The following AFTPH variants were observed in gnomAD, a reference collection of about 807,000 sequenced individuals.
The protein encoded by AFTPH is aftiphilin protein.
In AFTPH, 7 loss-of-function variants were observed where a neutral mutation model predicts 72.5. That is an observed-to-expected ratio of 0.10 (90% CI 0.05 to 0.18). The LOEUF (loss-of-function observed/expected upper bound fraction) is 0.18. AFTPH is among the 10% of genes least tolerant of loss of function. The pLI, the probability that AFTPH is intolerant of heterozygous loss-of-function variation, is 1.00. For missense variants in AFTPH, 979 were observed against 1,060.5 expected (o/e 0.92, Z 1.07); for synonymous variants, 337 against 370.1 (o/e 0.91, Z 1.03).
chr2:64,530,494 A>G (rs1669565184), intron 1 of AFTPH, among the ~76,000 whole-genome samples: 1 of 152,208 alleles, frequency 6.6e-6, no homozygotes, highest in African/African-American at 2.4e-5. Flanking sequence ...TAGAAAGAAA[A>G]TGGGTGTGCC....
intron 1 of AFTPH, among the ~76,000 whole-genome samples, chr2:64,529,315 G>GTT (rs33964756): frequency 0.35 from 50,535 of 145,848 alleles, 8,743 homozygotes; most frequent in South Asian, 0.41. Flanking sequence ...CCTTTTTGAA[G>GTT]TTTTTTTTTT....
chr2:64,534,402 T>C (rs1669779369), intron 1 of AFTPH, among the ~76,000 whole-genome samples: 1 of 152,210 alleles, frequency 6.6e-6, no homozygotes, highest in African/African-American at 2.4e-5. Context: ...GTTTCAGATA[T>C]CAAAAATTCA....
intron 1 of AFTPH, among the ~76,000 whole-genome samples, chr2:64,533,015 T>C (rs1669710205): frequency 6.6e-6 from 1 of 152,190 alleles, no homozygotes; most frequent in Non-Finnish European, 1.5e-5. Flanking sequence ...TGGAAACATT[T>C]ACCTTTTTCC....
intron 2 of AFTPH, among the ~76,000 whole-genome samples, chr2:64,560,000 C>T (rs557738819): frequency 4.1e-4 from 63 of 152,200 alleles, no homozygotes; most frequent in African/African-American, 1.3e-3. Flanking sequence ...CACCATGCTC[C>T]GCCCCAGAAT....
chr2:64,575,083 A>ATAAAC (rs1553403907), intron 6 of AFTPH, among the ~76,000 whole-genome samples: 2 of 151,990 alleles, frequency 1.3e-5, no homozygotes, highest in Admixed American at 6.6e-5. Context: ...TTACAACCCC[A>ATAAAC]TAAACTATTG....
intron 6 of AFTPH, among the ~76,000 whole-genome samples, chr2:64,575,171 A>G (rs931452540): frequency 6.6e-6 from 1 of 152,160 alleles, no homozygotes; most frequent in African/African-American, 2.4e-5. Flanking sequence ...CATTTTAGTC[A>G]TAGCTTATCA....
chr2:64,552,475 C>T, exon 2 of AFTPH: 1 of 1,613,992 alleles, frequency 6.2e-7, no homozygotes, highest in South Asian at 1.1e-5. Context: ...CAGTCAAAGG[C>T]TTGGAGTTTG....
intron 1 of AFTPH, among the ~76,000 whole-genome samples, chr2:64,531,760 T>G (rs1669643481): frequency 6.6e-6 from 1 of 152,228 alleles, no homozygotes; most frequent in Non-Finnish European, 1.5e-5. Flanking sequence ...GTTAAAATAA[T>G]ATTGTGGATA....
intron 1 of AFTPH, among the ~76,000 whole-genome samples, chr2:64,531,081 A>AAC (rs57045371): frequency 2.1e-5 from 3 of 141,178 alleles, no homozygotes; most frequent in Non-Finnish European, 4.4e-5. Flanking sequence ...AAAAAAAAAA[A>AAC]CACCACAAAA....
At chr2:64,585,350 G>C (rs1162959975) in intron 7 of AFTPH, 72 bp from the exon 9 acceptor site, 1 of 1,569,970 alleles carries the variant, frequency 6.4e-7, no homozygotes, top group East Asian at 2.2e-5. Context: ...ATTGCCTTTT[G>C]CATCTTGGAT....
intron 8 of AFTPH, among the ~76,000 whole-genome samples, chr2:64,589,475 G>T (rs959638572): frequency 6.6e-6 from 1 of 152,156 alleles, no homozygotes; most frequent in Non-Finnish European, 1.5e-5. Context: ...AAATGATCAT[G>T]ATATAACTTT....
At chr2:64,552,795 G>C (rs745537156) in exon 2 of AFTPH, 18 of 1,614,052 alleles carry the variant, frequency 1.1e-5, no homozygotes, top group Non-Finnish European at 1.4e-5. Context: ...CTTTGGCTCT[G>C]CCAGTGGCTC....
intron 6 of AFTPH, among the ~76,000 whole-genome samples, chr2:64,578,443 A>G (rs1573032617): frequency 6.6e-6 from 1 of 152,220 alleles, no homozygotes; most frequent in Admixed American, 6.5e-5. Flanking sequence ...TATTCTTAAA[A>G]TGAAGTGTGA....
intron 3 of AFTPH, among the ~76,000 whole-genome samples, 185 bp downstream of exon 3, chr2:64,567,898 AG>A (rs1243773123): frequency 9.4e-5 from 6 of 64,028 alleles, no homozygotes; most frequent in African/African-American, 2.7e-4. Flanking sequence ...GAAAATTAGC[AG>A]GGTATGGTGG....
intron 2 of AFTPH, among the ~76,000 whole-genome samples, chr2:64,556,133 C>T (rs959228011): frequency 1.3e-5 from 2 of 151,862 alleles, no homozygotes; most frequent in Non-Finnish European, 2.9e-5. Flanking sequence ...GACTACAGGC[C>T]CATGCCACCA....
At chr2:64,550,705 AC>A (rs1670986297) in intron 1 of AFTPH, among the ~76,000 whole-genome samples, 1 of 151,002 alleles carries the variant, frequency 6.6e-6, no homozygotes. Flanking sequence ...ACACACACAC[AC>A]ACACACACAC....
At chr2:64,560,525 A>C (rs1180559046) in intron 2 of AFTPH, among the ~76,000 whole-genome samples, 2 of 152,234 alleles carry the variant, frequency 1.3e-5, no homozygotes, top group Non-Finnish European at 2.9e-5. Flanking sequence ...CCAAGGATGC[A>C]TACGACTTTC....
chr2:64,525,705 A>G (rs753904821), intron 1 of AFTPH: 12 of 152,220 alleles, frequency 7.9e-5, no homozygotes, highest in Non-Finnish European at 1.8e-4. Flanking sequence ...TAGGGACAAC[A>G]AATGTTTCAA....
intron 1 of AFTPH, among the ~76,000 whole-genome samples, chr2:64,544,614 A>G (rs748099356): frequency 6.6e-6 from 1 of 150,694 alleles, no homozygotes; most frequent in Non-Finnish European, 1.5e-5. Context: ...AGGAACAGCT[A>G]TTTAAAGCCC....
Sources: allele counts gnomAD v4.1 joint callset (sites outside exome capture counted in the v4.1 genomes callset), GRCh38; gene constraint gnomAD v4.1.1; transcripts MANE v1.5; gene names NCBI Gene and HGNC (gene_info 2026-07-23, HGNC 2026-07-21).